The following KATNBL1 variants were observed in gnomAD, a reference collection of about 807,000 sequenced individuals.
The protein encoded by KATNBL1 is KATNB1-like protein 1.
Under a neutral mutation model 44.7 loss-of-function variants are expected in KATNBL1, and 28 were observed. That is an observed-to-expected ratio of 0.63 (90% CI 0.46 to 0.86). The LOEUF (loss-of-function observed/expected upper bound fraction) is 0.86, where lower values mean the gene tolerates loss of function less well. KATNBL1 is among the 40% of genes least tolerant of loss of function. The probability of loss-of-function intolerance (pLI) is 0.00; values close to 1 mark genes in which losing one functional copy is unlikely to be tolerated. For synonymous variants in KATNBL1, 78 were observed against 114.9 expected (o/e 0.68, Z 2.06); for missense variants, 272 against 350.7 (o/e 0.78, Z 1.79).
intron 2 of KATNBL1, among the ~76,000 whole-genome samples, chr15:34,162,868 C>A (rs1172611741): frequency 5.9e-5 from 9 of 152,062 alleles, no homozygotes; most frequent in African/African-American, 2.2e-4. Flanking sequence ...CCTGCCTCAG[C>A]CTCCGAAAGT....
intron 4 of KATNBL1, 150 bp from the exon 5 acceptor site, chr15:34,148,900 A>C: frequency 1.8e-6 from 1 of 548,708 alleles, no homozygotes; most frequent in Non-Finnish European, 3.3e-6. Flanking sequence ...GCAGTTGACC[A>C]CAGTAAACAA....
At chr15:34,177,287 T>C (rs1339489627) in intron 1 of KATNBL1, among the ~76,000 whole-genome samples, 2 of 152,198 alleles carry the variant, frequency 1.3e-5, no homozygotes, top group African/African-American at 4.8e-5. Flanking sequence ...AGCTGTCACC[T>C]ACCAGAAAAA....
chr15:34,171,836 G>A (rs1889170732), intron 1 of KATNBL1, among the ~76,000 whole-genome samples: 2 of 150,912 alleles, frequency 1.3e-5, no homozygotes. Context: ...TATCACAAGG[G>A]CAGAAAACCA....
At chr15:34,173,928 C>A (rs994398030) in intron 1 of KATNBL1, among the ~76,000 whole-genome samples, 7 of 151,022 alleles carry the variant, frequency 4.6e-5, no homozygotes, top group Non-Finnish European at 7.4e-5. Context: ...GCAGATCTAC[C>A]CTAAAAGAAT....
chr15:34,172,760 GACACACACACACACACAC>G (rs34182114), intron 1 of KATNBL1, among the ~76,000 whole-genome samples: 2 of 146,426 alleles, frequency 1.4e-5, no homozygotes, highest in East Asian at 2.0e-4. Context: ...CACAGACACA[GACACACACACACACACAC>G]ACACACACAC....
At chr15:34,180,857 G>T (rs990813177) in intron 1 of KATNBL1, among the ~76,000 whole-genome samples, 9 of 152,008 alleles carry the variant, frequency 5.9e-5, no homozygotes, top group Non-Finnish European at 1.3e-4. Context: ...GAGCCCAGGA[G>T]TTCGATACCA....
At chr15:34,180,275 A>G (rs2140964339) in intron 1 of KATNBL1, among the ~76,000 whole-genome samples, 1 of 151,718 alleles carries the variant, frequency 6.6e-6, no homozygotes, top group South Asian at 2.1e-4. Context: ...CATCTGAAAA[A>G]AAAAATGCGT....
chr15:34,151,469 T>TTTA, intron 4 of KATNBL1, among the ~76,000 whole-genome samples: 1 of 80,234 alleles, frequency 1.2e-5, no homozygotes, highest in Non-Finnish European at 2.3e-5. Context: ...TTTTTTTTTT[T>TTTA]GAGACAGAAT....
chr15:34,197,102 G>C (rs1402872065), intron 1 of KATNBL1, among the ~76,000 whole-genome samples: 1 of 152,186 alleles, frequency 6.6e-6, no homozygotes, highest in Non-Finnish European at 1.5e-5. Flanking sequence ...ACTAGAGGTG[G>C]AGAACAACCA....
chr15:34,144,922 CT>C (rs2140895579), intron 9 of KATNBL1: 1 of 314,788 alleles, frequency 3.2e-6, no homozygotes, highest in African/African-American at 2.2e-5. Flanking sequence ...GCAATTTTTA[CT>C]TTTTCCTTTA....
At chr15:34,148,531 T>C in intron 5 of KATNBL1, 101 bp downstream of exon 5, 1 of 669,262 alleles carries the variant, frequency 1.5e-6, no homozygotes, top group Non-Finnish European at 2.7e-6. Flanking sequence ...GAGGCTGCAG[T>C]GAGCCATGAT....
chr15:34,159,850 T>C (rs1412418405), intron 2 of KATNBL1, among the ~76,000 whole-genome samples: 2 of 152,228 alleles, frequency 1.3e-5, no homozygotes, highest in African/African-American at 4.8e-5. Flanking sequence ...GTGTCTCCTC[T>C]AAGAGTTTTG....
At chr15:34,203,144 C>A (rs1353124878) in intron 1 of KATNBL1, among the ~76,000 whole-genome samples, 1 of 151,960 alleles carries the variant, frequency 6.6e-6, no homozygotes, top group Admixed American at 6.6e-5. Flanking sequence ...CCCTTAATAT[C>A]CCCCCTCTCA....
At chr15:34,152,361 G>A (rs1293336450) in intron 4 of KATNBL1, among the ~76,000 whole-genome samples, 2 of 152,054 alleles carry the variant, frequency 1.3e-5, no homozygotes, top group East Asian at 3.9e-4. Flanking sequence ...CCCCCACCAT[G>A]CCCGGCTAAT....
chr15:34,184,915 C>CT (rs1889677836), intron 1 of KATNBL1, among the ~76,000 whole-genome samples: 1 of 151,438 alleles, frequency 6.6e-6, no homozygotes. Context: ...TCTAAAACTT[C>CT]TCCTTCCTTC....
At chr15:34,166,299 CG>C (rs1234154873) in intron 1 of KATNBL1, among the ~76,000 whole-genome samples, 1 of 152,226 alleles carries the variant, frequency 6.6e-6, no homozygotes, top group Admixed American at 6.5e-5. Flanking sequence ...ATGCCTGGCT[CG>C]GCAGGTCCCA....
Position 34,141,023 on chromosome 15 carries a change from G to A in KATNBL1, c.*1316C>T, listed in dbSNP as rs1422745483. The A allele has an allele frequency of 1.3e-5, 2 of 152,146 alleles. No homozygotes were observed. Among genetic ancestry groups the A allele is most frequent in the African/African-American group, 2.4e-5 (1 of 41,448 alleles). The allele number at this position is 152,146 out of a possible 1,614,324, so 9.4% of individuals were successfully genotyped here. A position where few individuals can be genotyped will look rare whatever the true frequency, so the allele number is the denominator to read the frequency against. ...ACATTCAAGTGCTTGAAGGACTACT[G>A]CAGAGAAATTCAATTACTAAAAACC... On this transcript the variant is annotated 3_prime_UTR_variant, in exon 10 of 10. Coordinates refer to ENST00000256544, the MANE Select transcript of KATNBL1 (RefSeq NM_024713.3).
chr15:34,168,836 A>C (rs905141881), intron 1 of KATNBL1, among the ~76,000 whole-genome samples: 1 of 152,236 alleles, frequency 6.6e-6, no homozygotes, highest in Non-Finnish European at 1.5e-5. Flanking sequence ...CTCCTGAATG[A>C]CTACTGGGTA....
In KATNBL1 at chr15:34,192,347, T is replaced by C. The variant is rs1205133006; in HGVS notation, c.-15+17604A>G. ...TGAACCCAGGAGGCAGAGGTTGCAG[T>C]GAGCAGAGATGGCGCCACTGCACTC... On this transcript the variant is annotated intron_variant, in intron 1 of 9. Coordinates refer to ENST00000256544, the MANE Select transcript of KATNBL1 (RefSeq NM_024713.3). Among the ~76,000 whole-genome samples, 5 of 145,582 alleles carry C rather than the reference T, an allele frequency of 3.4e-5. No individual in the cohort carries two copies. The Admixed American group carries it at 3.6e-4, about 11-fold the overall frequency.
Sources: gnomAD v4.1 joint callset for allele counts (sites outside exome capture counted in the v4.1 genomes callset) on GRCh38, gnomAD v4.1.1 for gene constraint, MANE v1.5 for transcripts, NCBI Gene and HGNC (gene_info 2026-07-23, HGNC 2026-07-21) for gene names.